FAT1: variants seen among roughly 807,000 people sequenced by gnomAD.
FAT1 encodes FAT atypical cadherin 1.
In FAT1, 171 loss-of-function variants were observed where a neutral mutation model predicts 329.8. The ratio of observed to expected loss-of-function variants is 0.52; its 90% CI spans 0.46 to 0.59. The LOEUF is 0.59. FAT1 is among the 20% of genes least tolerant of loss of function. The pLI is 0.00. For missense variants in FAT1, 5,672 were observed against 5,774.4 expected (o/e 0.98, Z 0.57); for synonymous variants, 2,233 against 2,228.6 (o/e 1.00, Z -0.06).
At chr4:186,712,853 A>C (rs1366044670) in intron 1 of FAT1, among the ~76,000 whole-genome samples, 1 of 152,160 alleles carries the variant, frequency 6.6e-6, no homozygotes, top group Non-Finnish European at 1.5e-5. Context: ...CCTCTAGGGC[A>C]GAAAGTCACA....
intron 16 of FAT1, 31 bp from the exon 17 acceptor site, chr4:186,606,244 A>G: frequency 1.2e-6 from 2 of 1,611,372 alleles, no homozygotes; most frequent in Non-Finnish European, 1.7e-6. Flanking sequence ...ATGCACGTTC[A>G]TTTTCACAAG....
intron 2 of FAT1, among the ~76,000 whole-genome samples, chr4:186,684,472 C>A (rs1179921239): frequency 1.3e-5 from 2 of 152,162 alleles, no homozygotes; most frequent in Non-Finnish European, 2.9e-5. Context: ...TGCTCCTCCC[C>A]GGGATGCACC....
chr4:186,650,939 C>G (rs9759864), intron 3 of FAT1, among the ~76,000 whole-genome samples: 1 of 151,792 alleles, frequency 6.6e-6, no homozygotes, highest in South Asian at 2.1e-4. Flanking sequence ...AGGGCAACAC[C>G]ACTGGTCCAG....
chr4:186,724,096 A>G (rs1184576535), upstream of FAT1, among the ~76,000 whole-genome samples: 1 of 140,460 alleles, frequency 7.1e-6, no homozygotes, highest in African/African-American at 2.6e-5. This position sits in a 1 kb window ranked among gnomAD's most constrained non-coding sequence, Gnocchi z 5.3. Context: ...GAGGCTTGTG[A>G]TGCCGAGGTT....
rs2126514260 is a variant in FAT1, at chr4:186,620,296, C to T, written c.6290G>A (p.Gly2097Asp). The change falls in exon 10 of 27, where the codon GGC becomes GAC. Residue 2097 changes from glycine to aspartate, a missense_variant. Physicochemically the swap from Gly to Asp is moderately conservative, Grantham distance 94. Around this residue, in one of 2 missense-constraint regions of FAT1, gnomAD observed 3,966 missense variants for 3,915.2 expected, o/e 1.01. Transcript: ENST00000441802. The part of the protein sequence containing the change: ...YAVVKVDTEV[G>D]HVIRYVTAVD... ...AGCAGTGACATAGCGAATGACATGG[C>T]CCACCTCAGTGTCCACTTTAACAAC... 1 of 1,613,976 alleles carries T rather than the reference C, an allele frequency of 6.2e-7. No individual in the cohort carries two copies. Among genetic ancestry groups the T allele is most frequent in the South Asian group, 1.1e-5 (1 of 91,070 alleles).
intron 2 of FAT1, among the ~76,000 whole-genome samples, chr4:186,667,503 T>C (rs1742512402): frequency 6.6e-6 from 1 of 152,238 alleles, no homozygotes; most frequent in Admixed American, 6.5e-5. Flanking sequence ...CTATCGTGAT[T>C]GCTGAGATAA....
At chr4:186,602,863 T>C (rs753007347) in intron 20 of FAT1, 40 bp downstream of exon 20, 49 of 1,571,020 alleles carry the variant, frequency 3.1e-5, no homozygotes, top group Non-Finnish European at 6.9e-6. Context: ...ATGAAACCGA[T>C]TTTTAAAAAT....
At chr4:186,712,832 T>C (rs573058906) in intron 1 of FAT1, among the ~76,000 whole-genome samples, 2 of 152,038 alleles carry the variant, frequency 1.3e-5, no homozygotes, top group South Asian at 2.1e-4. Flanking sequence ...TCTCGAGACA[T>C]TGCCAAACAC....
rs2126493487 is a variant in FAT1, at chr4:186,618,302, A to C, written c.8284T>G (p.Leu2762Val). The change falls in exon 10 of 27, where the codon TTG becomes GTG. Residue 2762 changes from leucine to valine, a missense_variant. This residue lies in a region of FAT1 where 3,966 missense variants were observed against 3,915.2 expected (regional missense o/e 1.01). Coordinates refer to ENST00000441802, the MANE Select transcript of FAT1 (RefSeq NM_005245.4). ...VIDRQSGRLK[L>V]EKSLDHETTK... ...GTCTCATGATCAAGACTCTTCTCCAACTTCAGTCTCCCGCTCTGTCTGTCA... is the reference window on the plus strand; with the variant it reads ...GTCTCATGATCAAGACTCTTCTCCACCTTCAGTCTCCCGCTCTGTCTGTCA... 1 of 1,613,942 alleles carries C rather than the reference A, an allele frequency of 6.2e-7. No homozygotes were observed.
chr4:186,594,982 T>C (rs1358380443), intron 26 of FAT1, among the ~76,000 whole-genome samples: 4 of 152,070 alleles, frequency 2.6e-5, no homozygotes, highest in African/African-American at 4.8e-5. Flanking sequence ...AAAAACTACA[T>C]TGTGTTACTG....
rs2126692718 is a variant in FAT1 at position 186,707,963 on chromosome 4, C to T, written c.1865G>A (p.Gly622Glu). 1 of 1,613,912 alleles carries T rather than the reference C, an allele frequency of 6.2e-7. No individual in the cohort carries two copies. The change falls in exon 2 of 27, where the codon GGG becomes GAG. Residue 622 changes from glycine (G) to glutamate (E), a missense_variant. By Grantham distance (98) the Gly-to-Glu change is moderately conservative. Transcript: ENST00000441802. ...LDFFSLNPNS[G>E]VLSLKRSLMD... ...TAGCGATCGCTTTAATGACAATACC[C>T]CCGAGTTGGGGTTTAAACTAAAGAA...
At position 186,618,706 on chromosome 4, in the gene FAT1, G is replaced by C. The variant is rs374438707; in HGVS notation, c.7880C>G (p.Ser2627Cys). The part of the protein sequence containing the change: ...KVLASDADEG[S>C]NADITYAIEA... ...AATGGCATAGGTGATGTCGGCATTG[G>C]AGCCCTCATCGGCATCACTTGCAAG... is the stretch of plus-strand genomic sequence containing the variant. The change falls in exon 10 of 27, where the codon TCC becomes TGC. Residue 2627 changes from serine to cysteine, a missense_variant. Coordinates refer to ENST00000441802, the MANE Select transcript of FAT1 (RefSeq NM_005245.4). 4 of 1,613,900 alleles carry C rather than the reference G, an allele frequency of 2.5e-6. No homozygotes were observed. In the African/African-American group the frequency reaches 5.3e-5, roughly 22 times the overall value.
intron 2 of FAT1, among the ~76,000 whole-genome samples, chr4:186,670,560 G>A (rs1742682253): frequency 6.6e-6 from 1 of 152,054 alleles, no homozygotes; most frequent in African/African-American, 2.4e-5. Context: ...TCTATAAACG[G>A]TTATTCAATT....
intron 17 of FAT1, 22 bp from the exon 18 acceptor site, chr4:186,604,596 A>G: frequency 6.4e-7 from 1 of 1,564,658 alleles, no homozygotes; most frequent in Non-Finnish European, 8.7e-7. Flanking sequence ...TAGAAACAAA[A>G]TTAAACAAAA....
At position 186,588,795 on chromosome 4, in the gene FAT1, C is replaced by T. The variant is rs2126350225; in HGVS notation, c.13564G>A (p.Gly4522Arg). Residue 4522 changes from glycine to arginine, a missense_variant, in exon 27 of 27, where the codon GGG becomes AGG. Gly to Arg is a moderately radical substitution (Grantham distance 125, BLOSUM62 -2). This residue lies in a region of FAT1 where 1,706 missense variants were observed against 1,859.1 expected (regional missense o/e 0.92). Transcript: ENST00000441802. Reference protein sequence around the residue: ...CREPHAPYPPGYQRHFEAPAV... With the variant: ...CREPHAPYPPRYQRHFEAPAV... ...GGCGCCTCGAAGTGTCTTTGATACC[C>T]TGGCGGGTAAGGGGCATGGGGTTCT... The T allele has an allele frequency of 1.2e-6, 2 of 1,614,034 alleles. No individual in the cohort carries two copies. Among genetic ancestry groups the T allele is most frequent in the Middle Eastern group, 1.6e-4 (1 of 6,062 alleles).
intron 4 of FAT1, among the ~76,000 whole-genome samples, chr4:186,637,196 G>GT: frequency 6.6e-6 from 1 of 152,228 alleles, no homozygotes; most frequent in Admixed American, 6.5e-5. Context: ...TCTCGCATTA[G>GT]TTTAAGTGGA....
At position 186,596,408 on chromosome 4, in the gene FAT1, AATC is replaced by A; in HGVS notation, c.13000+129_13000+131del. The stretch of plus-strand genomic sequence containing the variant: ...AATCGGGACATCCAAAAAAGTTTCA[AATC>A]ATCATACGGATTTCAGTCTGAGCAT... On this transcript the variant is annotated intron_variant, in intron 25 of 26. Transcript: ENST00000441802. This position sits in a 1 kb window ranked among gnomAD's most constrained non-coding sequence, Gnocchi z 4.7. 9.5e-7 allele frequency: 1 copy of A among 1,053,744 alleles called. No individual in the cohort carries two copies. Among genetic ancestry groups the A allele is most frequent in the East Asian group, 2.6e-5 (1 of 37,870 alleles). The allele number at this position is 1,053,744 out of a possible 1,614,324, so 65.3% of individuals were successfully genotyped here. A position where few individuals can be genotyped will look rare whatever the true frequency, so the allele number is the denominator to read the frequency against.
At chr4:186,640,696 T>C (rs1244828327) in intron 3 of FAT1, among the ~76,000 whole-genome samples, 1 of 152,242 alleles carries the variant, frequency 6.6e-6, no homozygotes, top group Non-Finnish European at 1.5e-5. Context: ...AGAATATCTA[T>C]GAGTTTTGAC....
rs528762772 is a variant in FAT1, at chr4:186,713,168, C to T, written c.-18-3323G>A. On this transcript the variant is annotated intron_variant, in intron 1 of 26. Transcript: ENST00000441802. ...TCAAATTTGCTCATTTTACCCAAGG[C>T]CTTCTCTCCATCCTAGAATCCCTTC... 4.6e-5 allele frequency among the ~76,000 whole-genome samples: 7 copies of T among 151,992 alleles called. No homozygotes were observed. The East Asian group carries it at 1.4e-3, about 29-fold the overall frequency.
Sources: allele counts gnomAD v4.1 joint callset (sites outside exome capture counted in the v4.1 genomes callset), GRCh38; gene constraint gnomAD v4.1.1; regional missense constraint gnomAD v4.1.1; non-coding constraint Gnocchi (gnomAD v3.1); transcripts MANE v1.5; gene names NCBI Gene and HGNC (gene_info 2026-07-23, HGNC 2026-07-21).